The following POLQ variants were observed in gnomAD, a reference collection of about 807,000 sequenced individuals.
POLQ encodes epididymis secretory sperm binding protein.
Under a neutral mutation model 259.2 loss-of-function variants are expected in POLQ, and 233 were observed. The ratio of observed to expected loss-of-function variants is 0.90; its 90% CI spans 0.81 to 1.00. The LOEUF (loss-of-function observed/expected upper bound fraction) is 1.00. POLQ is among the 50% of genes least tolerant of loss of function. The probability of loss-of-function intolerance (pLI) is 0.00; values close to 1 mark genes in which losing one functional copy is unlikely to be tolerated. For synonymous variants in POLQ, 1,025 were observed against 1,048.8 expected, an observed-to-expected ratio of 0.98 and a Z score of 0.44; for missense variants, 2,871 against 3,051.6, an observed-to-expected ratio of 0.94 and a Z score of 1.39.
chr3:121,475,386 G>C (rs1025453997), intron 20 of POLQ, among the ~76,000 whole-genome samples: 1 of 152,022 alleles, frequency 6.6e-6, no homozygotes, highest in South Asian at 2.1e-4. Flanking sequence ...TTTCAAAAAT[G>C]ACAGGATGAA....
chr3:121,470,832 A>G (rs1351302211), intron 22 of POLQ, among the ~76,000 whole-genome samples: 2 of 152,108 alleles, frequency 1.3e-5, no homozygotes, highest in Non-Finnish European at 2.9e-5. Context: ...ACATGGTTTC[A>G]CTATCTTGCC....
chr3:121,528,278 C>T (rs1183561766), intron 7 of POLQ, among the ~76,000 whole-genome samples: 3 of 136,124 alleles, frequency 2.2e-5, no homozygotes, highest in African/African-American at 8.0e-5. Flanking sequence ...CCCGACATCA[C>T]ATCCAGCTAA....
Position 121,489,028 on chromosome 3 carries a change from G to A in POLQ, c.3903C>T (p.Asn1301=), listed in dbSNP as rs1321273095. 1 of 1,612,906 alleles carries A rather than the reference G, an allele frequency of 6.2e-7. No homozygotes were observed. The highest frequency in any genetic ancestry group is 2.2e-5 in the East Asian group (1 of 44,868). Reference sequence around the variant, plus strand: ...CAGAAACATGATTATTTTTAGTTTTGTTTGTTGTATAAGTACCTGTTTTTT... The same window carrying A: ...CAGAAACATGATTATTTTTAGTTTTATTTGTTGTATAAGTACCTGTTTTTT... The part of the protein sequence containing the change: ...LQEKTGTYTT[N]KTKNNHVSDL... The change falls in exon 16 of 30, where the codon AAC becomes AAT. Residue 1301 remains asparagine, a synonymous_variant. Transcript: ENST00000264233.
At chr3:121,509,337 C>T (rs568236529) in intron 12 of POLQ, among the ~76,000 whole-genome samples, 2 of 152,040 alleles carry the variant, frequency 1.3e-5, no homozygotes, top group South Asian at 2.1e-4. Context: ...CAACTCAAAT[C>T]TTTTTTGAAA....
rs372403254 is a variant in POLQ, at chr3:121,432,415, T to C, written c.7662A>G (p.Val2554=). ...YEVAEEDVVQ[V]AQIVKNEMES... is the part of the protein sequence containing the mutation. Reference sequence around the variant, plus strand: ...CCATTTCATTCTTGACAATCTGAGCTACCTAAGGAAAAAAAAAATGTAGTT... The same window carrying C: ...CCATTTCATTCTTGACAATCTGAGCCACCTAAGGAAAAAAAAAATGTAGTT... The change falls in exon 30 of 30, where the codon GTA becomes GTG. Residue 2554 remains valine (V), a splice_region_variant and synonymous_variant. Transcript: ENST00000264233. 5 of 1,600,430 alleles carry C rather than the reference T, an allele frequency of 3.1e-6. No individual in the cohort carries two copies. The African/African-American group carries it at 6.8e-5, about 22-fold the overall frequency.
chr3:121,482,445 G>A (rs1443815376), intron 18 of POLQ, among the ~76,000 whole-genome samples: 1 of 151,864 alleles, frequency 6.6e-6, no homozygotes, highest in Non-Finnish European at 1.5e-5. Flanking sequence ...GCTTGAACCT[G>A]GGAGGCGGAG....
At position 121,436,183 on chromosome 3, in the gene POLQ, G is replaced by A; in HGVS notation, c.7482C>T (p.Thr2494=). The change falls in exon 28 of 30, where the codon ACC becomes ACT. Residue 2494 remains threonine (T), a synonymous_variant. Transcript: ENST00000264233. ...CATGGGATTTGAAGGTTGAGTGGAA[G>A]GTCTCTAATTGCTTCTGAATGTTAA... ...ATVNIQKQLE[T]FHSTFKSHGH... is the part of the protein sequence containing the mutation. 1 of 1,613,710 alleles carries A rather than the reference G, an allele frequency of 6.2e-7. No individual in the cohort carries two copies.
rs1302800538 is a variant in POLQ at position 121,488,569 on chromosome 3, A to G, written c.4362T>C (p.Thr1454=). 3 of 1,611,460 alleles carry G rather than the reference A, an allele frequency of 1.9e-6. No homozygotes were observed. Among genetic ancestry groups the G allele is most frequent in the Non-Finnish European group, 2.5e-6 (3 of 1,179,276 alleles). The change falls in exon 16 of 30, where the codon ACT becomes ACC. Residue 1454 remains threonine, a synonymous_variant. Coordinates refer to ENST00000264233, the MANE Select transcript of POLQ (RefSeq NM_199420.4). ...GAATCAGAAGTATAACTGGTTTCACAGTTTCTTGTGTTTGATAACCTTGAA... is the reference window on the plus strand; with the variant it reads ...GAATCAGAAGTATAACTGGTTTCACGGTTTCTTGTGTTTGATAACCTTGAA... ...SFLQGYQTQE[T]VKPVILLIPQ...
chr3:121,448,529 G>C (rs1434485786), intron 26 of POLQ, among the ~76,000 whole-genome samples: 1 of 151,772 alleles, frequency 6.6e-6, no homozygotes, highest in Non-Finnish European at 1.5e-5. Flanking sequence ...ACCACGCCCA[G>C]GTAATTTTTG....
intron 7 of POLQ, 129 bp from the exon 8 acceptor site, chr3:121,522,278 G>T: frequency 6.3e-6 from 1 of 159,938 alleles, no homozygotes; most frequent in East Asian, 1.8e-4. Context: ...ATAATCCCCT[G>T]GAGATCTTTT....
chr3:121,474,407 T>C (rs747868692), intron 20 of POLQ, among the ~76,000 whole-genome samples: 1 of 152,156 alleles, frequency 6.6e-6, no homozygotes, highest in African/African-American at 2.4e-5. Context: ...GAAGACCCCA[T>C]GTAACACTCA....
In POLQ at chr3:121,440,092, G is replaced by T. The variant is rs1399122988; in HGVS notation, c.7289C>A (p.Thr2430Lys). ...YTGINQFMTETVKNCKRDGFV... is the reference protein window; with the variant it reads ...YTGINQFMTEKVKNCKRDGFV... ...TCCGTCTCTTTTACAATTCTTCACTGTCTCTGTCATGAATTGATTAATCCC... is the reference window on the plus strand; with the variant it reads ...TCCGTCTCTTTTACAATTCTTCACTTTCTCTGTCATGAATTGATTAATCCC... Residue 2430 changes from threonine (T) to lysine (K), a missense_variant, in exon 27 of 30, where the codon ACA (threonine) becomes AAA (lysine). This residue lies in a region of POLQ where 2,080 missense variants were observed against 2,126.0 expected (regional missense o/e 0.98). Coordinates refer to ENST00000264233, the MANE Select transcript of POLQ (RefSeq NM_199420.4). 2 of 1,606,554 alleles carry T rather than the reference G, an allele frequency of 1.2e-6. No homozygotes were observed. Among genetic ancestry groups the T allele is most frequent in the Non-Finnish European group, 1.7e-6 (2 of 1,173,506 alleles).
chr3:121,502,999 T>G (rs2048184020), intron 12 of POLQ, among the ~76,000 whole-genome samples: 2 of 152,226 alleles, frequency 1.3e-5, no homozygotes, highest in Admixed American at 1.3e-4. Context: ...TATAGTGTTT[T>G]GTGCTGCATA....
intron 5 of POLQ, among the ~76,000 whole-genome samples, chr3:121,536,482 T>C (rs967300499): frequency 2.0e-5 from 3 of 152,078 alleles, no homozygotes; most frequent in Non-Finnish European, 4.4e-5. Context: ...AAAAAAATAA[T>C]ATTTTTTTCA....
At chr3:121,452,760 A>G (rs1451580778) in intron 25 of POLQ, among the ~76,000 whole-genome samples, 2 of 152,170 alleles carry the variant, frequency 1.3e-5, no homozygotes, top group African/African-American at 4.8e-5. Flanking sequence ...GGAGCCCACC[A>G]CAGCTCAAGG....
intron 12 of POLQ, among the ~76,000 whole-genome samples, chr3:121,504,463 TTAAA>T (rs1383245042): frequency 6.6e-6 from 1 of 152,000 alleles, no homozygotes; most frequent in East Asian, 1.9e-4. Flanking sequence ...TACTAAACAT[TTAAA>T]TAACAATTAA....
At chr3:121,532,672 T>A (rs2108817994) in intron 6 of POLQ, among the ~76,000 whole-genome samples, 1 of 152,222 alleles carries the variant, frequency 6.6e-6, no homozygotes, top group Admixed American at 6.5e-5. Context: ...TAGCTGGGAT[T>A]ACAGGCGCCC....
At chr3:121,506,200 A>G (rs1021550397) in intron 12 of POLQ, among the ~76,000 whole-genome samples, 3 of 152,086 alleles carry the variant, frequency 2.0e-5, no homozygotes, top group East Asian at 3.8e-4. Flanking sequence ...TGAAAAATCA[A>G]GAGGAAAATC....
chr3:121,484,915 A>C (rs923425398), intron 17 of POLQ, 126 bp downstream of exon 17: 51 of 795,922 alleles, frequency 6.4e-5, no homozygotes, highest in East Asian at 2.0e-4. Context: ...AACAAACAAA[A>C]AAAAATTTAA....
Sources: gnomAD v4.1 joint callset for allele counts (sites outside exome capture counted in the v4.1 genomes callset) on GRCh38, gnomAD v4.1.1 for gene constraint, gnomAD v4.1.1 regional missense constraint, MANE v1.5 for transcripts, NCBI Gene and HGNC (gene_info 2026-07-23, HGNC 2026-07-21) for gene names.